Variants in PRR12 observed in about 807,000 individuals in gnomAD.
PRR12 encodes proline rich 12, also known as proline-rich protein 12.
PRR12 carries 12 observed loss-of-function variants against 138.0 expected under a neutral mutation model. The ratio of observed to expected loss-of-function variants is 0.09; its 90% CI spans 0.06 to 0.14. PRR12 has a LOEUF of 0.14. Among genes scored for constraint, PRR12 ranks in the 10% least tolerant of loss-of-function variants. The pLI is 1.00. For synonymous variants in PRR12, 1,567 were observed against 1,291.7 expected (o/e 1.21, Z -4.57); for missense variants, 2,692 against 2,861.3 (o/e 0.94, Z 1.35).
At chr19:49,604,464 G>C (rs2080828336) in intron 6 of PRR12, among the ~76,000 whole-genome samples, 1 of 151,894 alleles carries the variant, frequency 6.6e-6, no homozygotes, top group African/African-American at 2.4e-5. Context: ...GATCACCTGA[G>C]GTCAAGAGTT....
chr19:49,598,312 G>A (rs1318337519), intron 4 of PRR12, among the ~76,000 whole-genome samples: 2 of 151,942 alleles, frequency 1.3e-5, no homozygotes, highest in Non-Finnish European at 2.9e-5. Flanking sequence ...CTGGCCTCGT[G>A]ATCCACCCGC....
Position 49,614,454 on chromosome 19 carries a change from C to CAGT in PRR12, c.4774-78_4774-76dup. The stretch of plus-strand genomic sequence containing the variant: ...TCTCTAAGGGGATGGTGAGGGAAGC[C>CAGT]AGTGGGCCAGGGCGTAGGGGCAGTA... On this transcript the variant is annotated intron_variant, in intron 6 of 13. Transcript: ENST00000418929. The surrounding 1 kb of genome is among the most constrained non-coding windows in gnomAD (Gnocchi z 5.0). 4.1e-6 allele frequency: 4 copies of CAGT among 987,644 alleles called. No homozygotes were observed. The South Asian group carries it at 6.9e-5, about 17-fold the overall frequency. 61.2% of individuals were successfully genotyped at this position (987,644 alleles called of 1,614,324 possible). A position where few individuals can be genotyped will look rare whatever the true frequency, so the allele number is the denominator to read the frequency against.
Position 49,595,628 on chromosome 19 carries a change from G to C in PRR12, c.1293G>C (p.Lys431Asn). 1 of 1,606,960 alleles carries C rather than the reference G, an allele frequency of 6.2e-7. No homozygotes were observed. Among genetic ancestry groups the C allele is most frequent in the Non-Finnish European group, 8.5e-7 (1 of 1,177,338 alleles). ...CAGCAGCCGCCTATGCCACTGGGAA[G>C]GCCTCTGGGGCTGGAGGGGCAGGGG... is the stretch of plus-strand genomic sequence containing the variant. ...GGPAAAYATG[K>N]ASGAGGAGGQ... The change falls in exon 4 of 14, where the codon AAG (lysine) becomes AAC (asparagine). Residue 431 changes from lysine (K) to asparagine (N), a missense_variant. Coordinates refer to ENST00000418929, the MANE Select transcript of PRR12 (RefSeq NM_020719.3).
In PRR12 at chr19:49,595,671, G is replaced by C. The variant is rs767028330; in HGVS notation, c.1336G>C (p.Gly446Arg). The C allele has an allele frequency of 6.3e-7, 1 of 1,598,656 alleles. No individual in the cohort carries two copies. Among genetic ancestry groups the C allele is most frequent in the Non-Finnish European group, 8.5e-7 (1 of 1,173,336 alleles). ...GGCAGGGGGCCAGGCTTATTCCCCC[G>C]GTCAGCCTCAAGGGCTTCTGGGACC... ...GGAGGQAYSP[G>R]QPQGLLGPQA... Residue 446 changes from glycine to arginine, a missense_variant, in exon 4 of 14, where the codon GGT becomes CGT. Coordinates refer to ENST00000418929, the MANE Select transcript of PRR12 (RefSeq NM_020719.3).
chr19:49,602,069 G>A (rs2080815170), intron 6 of PRR12, among the ~76,000 whole-genome samples, 151 bp downstream of exon 6: 1 of 152,138 alleles, frequency 6.6e-6, no homozygotes, highest in African/African-American at 2.4e-5. Flanking sequence ...GCTGATAGAG[G>A]TGTCGAGGAC....
At position 49,622,907 on chromosome 19, in the gene PRR12, ACATAT is replaced by A. The variant is rs1276366588; in HGVS notation, c.5721+1286_5721+1290del. On this transcript the variant is annotated intron_variant, in intron 11 of 13. Transcript: ENST00000418929. ...ACTCTGTCTCAAAAAAAAAACAAAA[ACATAT>A]ATATATATATATATATAGAGAGAGA... Among the ~76,000 whole-genome samples the A allele has an allele frequency of 2.8e-3, 222 of 79,260 alleles. 9 individuals are homozygous for A. Among genetic ancestry groups the A allele is most frequent in the African/African-American group, 0.016 (207 of 12,684 alleles). 52.0% of individuals were successfully genotyped at this position (79,260 alleles called of 152,430 possible).
Position 49,621,581 on chromosome 19 carries a change from A to G in PRR12, c.5680A>G (p.Lys1894Glu). ...AGACGGCCTGCTGAATGAGCACAAGAAGAAAGTCCTGAAGCGGCTGTCGCT... is the reference window on the plus strand; with the variant it reads ...AGACGGCCTGCTGAATGAGCACAAGGAGAAAGTCCTGAAGCGGCTGTCGCT... ...KIDGLLNEHK[K>E]KVLKRLSLSP... Residue 1894 changes from lysine to glutamate, a missense_variant, in exon 11 of 14, where the codon AAG (lysine) becomes GAG (glutamate). Lys to Glu is a moderately conservative substitution (Grantham distance 56, BLOSUM62 1). Coordinates refer to ENST00000418929, the MANE Select transcript of PRR12 (RefSeq NM_020719.3). 6.2e-7 allele frequency: 1 copy of G among 1,606,252 alleles called. No homozygotes were observed. The highest frequency in any genetic ancestry group is 8.5e-7 in the Non-Finnish European group (1 of 1,176,704).
chr19:49,603,812 C>A (rs532588154), intron 6 of PRR12, among the ~76,000 whole-genome samples: 1 of 152,006 alleles, frequency 6.6e-6, no homozygotes, highest in Non-Finnish European at 1.5e-5. Flanking sequence ...TAATAACTAT[C>A]ATTACACTTT....
intron 9 of PRR12, 101 bp from the exon 10 acceptor site, chr19:49,620,251 G>C: frequency 6.7e-7 from 1 of 1,503,084 alleles, no homozygotes; most frequent in Non-Finnish European, 9.0e-7. Context: ...CCCAAAAGCA[G>C]GGATTTCTCT....
chr19:49,602,586 C>G (rs1428682479), intron 6 of PRR12, among the ~76,000 whole-genome samples: 1 of 152,166 alleles, frequency 6.6e-6, no homozygotes, highest in African/African-American at 2.4e-5. Flanking sequence ...TGGAGTTTCG[C>G]TCTTGTCCAG....
intron 6 of PRR12, among the ~76,000 whole-genome samples, chr19:49,607,361 G>GCGCACACACACACA (rs1555742564): frequency 1.3e-4 from 19 of 147,864 alleles, no homozygotes; most frequent in Non-Finnish European, 1.6e-4. Context: ...ATGTACGTGT[G>GCGCACACACACACA]CACACACACA....
At position 49,618,323 on chromosome 19, in the gene PRR12, G is replaced by A. The variant is rs577011000; in HGVS notation, c.5498-2029G>A. 6.6e-5 allele frequency among the ~76,000 whole-genome samples: 10 copies of A among 151,798 alleles called. 2 individuals are homozygous for A. Among genetic ancestry groups the A allele is most frequent in the African/African-American group, 1.9e-4 (8 of 41,406 alleles). On this transcript the variant is annotated intron_variant, in intron 9 of 13. Coordinates refer to ENST00000418929, the MANE Select transcript of PRR12 (RefSeq NM_020719.3). ...TCCTGGCTTCCCCATCTTAGGGACC[G>A]GACCTCTGGCTACACAGTCACCTGA...
intron 6 of PRR12, among the ~76,000 whole-genome samples, chr19:49,613,433 TG>T (rs1348465530): frequency 2.0e-5 from 3 of 152,108 alleles, no homozygotes; most frequent in African/African-American, 7.2e-5. Context: ...TTATTTCTTG[TG>T]TCCATATTTC....
At chr19:49,612,147 T>C (rs1227229080) in intron 6 of PRR12, among the ~76,000 whole-genome samples, 2 of 149,190 alleles carry the variant, frequency 1.3e-5, no homozygotes, top group Admixed American at 1.4e-4. Context: ...AGGAAATCAC[T>C]TGAACTCAGG....
intron 11 of PRR12, among the ~76,000 whole-genome samples, chr19:49,624,372 G>A (rs2080943050): frequency 6.6e-6 from 1 of 150,408 alleles, no homozygotes; most frequent in African/African-American, 2.4e-5. Context: ...TAGGTGGTTA[G>A]GATGGGGCTG....
Position 49,593,405 on chromosome 19 carries a change from A to G in PRR12, c.165A>G (p.Pro55=), listed in dbSNP as rs955721808. The G allele has an allele frequency of 3.3e-6, 5 of 1,519,314 alleles. No individual in the cohort carries two copies. The highest frequency in any genetic ancestry group is 2.6e-6 in the Non-Finnish European group (3 of 1,133,914). 94.1% of individuals were successfully genotyped at this position (1,519,314 alleles called of 1,614,324 possible). A position where few individuals can be genotyped will look rare whatever the true frequency, so the allele number is the denominator to read the frequency against. Residue 55 remains proline, a synonymous_variant, in exon 2 of 14, where the codon CCA becomes CCG. Transcript: ENST00000418929. ...GCCAGGCCTATGCGGCCCCCCACCC[A>G]CTGCAAAGCTATGCCACCAACCACC... is the stretch of plus-strand genomic sequence containing the variant. ...LHRQAYAAPH[P]LQSYATNHHP...
rs745649383 is a variant in PRR12, at chr19:49,594,726, T to A, written c.391T>A (p.Phe131Ile). The change falls in exon 4 of 14, where the codon TTC becomes ATC. Residue 131 changes from phenylalanine (F) to isoleucine (I), a missense_variant. Around this residue, in one of 11 missense-constraint regions of PRR12, gnomAD observed 211 missense variants for 266.3 expected, o/e 0.79. Coordinates refer to ENST00000418929, the MANE Select transcript of PRR12 (RefSeq NM_020719.3). This position sits in a 1 kb window ranked among gnomAD's most constrained non-coding sequence, Gnocchi z 5.6. The stretch of plus-strand genomic sequence containing the variant: ...GCACACGCCAGGCCCCACGGAGCTC[T>A]TCATCTCGGGTGCCCTGCCGGGTTC... The part of the protein sequence containing the change: ...AMHTPGPTEL[F>I]ISGALPGSST... The A allele has an allele frequency of 1.2e-6, 2 of 1,613,020 alleles. No individual in the cohort carries two copies. Among genetic ancestry groups the A allele is most frequent in the Non-Finnish European group, 8.5e-7 (1 of 1,179,778 alleles).
chr19:49,602,858 A>G (rs2080819586), intron 6 of PRR12, among the ~76,000 whole-genome samples: 1 of 152,230 alleles, frequency 6.6e-6, no homozygotes, highest in Non-Finnish European at 1.5e-5. Flanking sequence ...GGCTGGCCAT[A>G]GCTTCAATAT....
chr19:49,621,991 C>T (rs2080925930), intron 11 of PRR12, among the ~76,000 whole-genome samples: 1 of 152,186 alleles, frequency 6.6e-6, no homozygotes, highest in Middle Eastern at 3.2e-3. Flanking sequence ...AGTGTTAAGT[C>T]ATCTGTATGA....
Sources: allele counts gnomAD v4.1 joint callset (sites outside exome capture counted in the v4.1 genomes callset), GRCh38; gene constraint gnomAD v4.1.1; regional missense constraint gnomAD v4.1.1; non-coding constraint Gnocchi (gnomAD v3.1); transcripts MANE v1.5; gene names NCBI Gene and HGNC (gene_info 2026-07-23, HGNC 2026-07-21).